The following MRAP variants were observed in gnomAD, a reference collection of about 807,000 sequenced individuals.
MRAP encodes the protein melanocortin 2 receptor accessory protein, also known as melanocortin-2 receptor accessory protein.
Under a neutral mutation model 8.7 loss-of-function variants are expected in MRAP, and 8 were observed. The ratio of observed to expected loss-of-function variants is 0.92; its 90% CI spans 0.54 to 1.66. The LOEUF (loss-of-function observed/expected upper bound fraction) is 1.66. MRAP is among the 40% of genes most tolerant of loss of function. The pLI is 0.00. For missense variants in MRAP, 237 were observed against 217.1 expected, an observed-to-expected ratio of 1.09 and a Z score of -0.58; for synonymous variants, 95 against 95.5, an observed-to-expected ratio of 1.00 and a Z score of 0.03.
intron 1 of MRAP, among the ~76,000 whole-genome samples, chr21:32,305,343 T>G (rs2032389030): frequency 6.6e-6 from 1 of 152,048 alleles, no homozygotes; most frequent in African/African-American, 2.4e-5. Context: ...CAGTTTTTCC[T>G]GCTATCTCTC....
rs762353574 is a variant in MRAP at position 32,311,828 on chromosome 21, T to G, written c.351T>G (p.Thr117=). The change falls in exon 3 of 3, where the codon ACT becomes ACG. Residue 117 remains threonine, a synonymous_variant. Coordinates refer to ENST00000303645, the MANE Select transcript of MRAP (RefSeq NM_001379228.1). ...GCTCAGTGGAGCCAGGGAGCAGAACTGGCCCTGACCAGCCGCTACGACAGG... is the reference window on the plus strand; with the variant it reads ...GCTCAGTGGAGCCAGGGAGCAGAACGGGCCCTGACCAGCCGCTACGACAGG... ...QASSVEPGSR[T]GPDQPLRQES... The G allele has an allele frequency of 6.2e-7, 1 of 1,613,860 alleles. No homozygotes were observed. Among genetic ancestry groups the G allele is most frequent in the Non-Finnish European group, 8.5e-7 (1 of 1,180,028 alleles).
chr21:32,312,453 T>TGGG, downstream of MRAP: 5 of 489,004 alleles, frequency 1.0e-5, no homozygotes, highest in Non-Finnish European at 1.5e-5. Context: ...TGATGGCATC[T>TGGG]GCCCTGCCAG....
chr21:32,301,048 GATAT>G (rs1225602522), intron 1 of MRAP, among the ~76,000 whole-genome samples: 1 of 150,960 alleles, frequency 6.6e-6, no homozygotes, highest in African/African-American at 2.4e-5. Flanking sequence ...TATATCATAT[GATAT>G]ATATCATATC....
At position 32,303,187 on chromosome 21, in the gene MRAP, T is replaced by A. The variant is rs576307655; in HGVS notation, c.107-3453T>A. ...TTAGTAGAGACGGGGTTTCACCATG[T>A]TGGCCAGGCTGGTCTCGAACTCCTG... On this transcript the variant is annotated intron_variant, in intron 1 of 2. Transcript: ENST00000303645. Among the ~76,000 whole-genome samples the A allele has an allele frequency of 4.3e-4, 65 of 152,118 alleles. 1 individual carries two copies. The highest frequency in any genetic ancestry group is 7.6e-4 in the Non-Finnish European group (52 of 68,028).
chr21:32,306,740 G>A lies in MRAP; in HGVS notation c.206+1G>A. The A allele has an allele frequency of 1.2e-6, 2 of 1,613,884 alleles. No individual in the cohort carries two copies. The highest frequency in any genetic ancestry group is 8.5e-7 in the Non-Finnish European group (1 of 1,179,770). On this transcript the variant is annotated splice_donor_variant, in intron 2 of 2. Transcript: ENST00000303645. LOFTEE classifies it high-confidence loss of function. ...CCTGGTCCGCCTCCCCGCAGATGAGGTGGGTAAGAAGGGGTGTGAGTCTGT... is the reference window on the plus strand; with the variant it reads ...CCTGGTCCGCCTCCCCGCAGATGAGATGGGTAAGAAGGGGTGTGAGTCTGT...
intron 2 of MRAP, among the ~76,000 whole-genome samples, chr21:32,309,708 C>T (rs140795037): frequency 5.3e-5 from 8 of 149,674 alleles, no homozygotes; most frequent in Non-Finnish European, 8.9e-5. Flanking sequence ...TTTGAGAGGC[C>T]GAGGTGGGTG....
At chr21:32,314,738 C>A (rs1343210735), downstream of MRAP, 3 of 1,476,688 alleles carry the variant, frequency 2.0e-6, no homozygotes, top group African/African-American at 1.4e-5. Flanking sequence ...CCGAGTTTAT[C>A]ATTTACTGGG....
chr21:32,314,777 T>C (rs1013154452), downstream of MRAP: 3 of 1,448,292 alleles, frequency 2.1e-6, no homozygotes, highest in South Asian at 2.5e-5. Flanking sequence ...TCAACTTTTC[T>C]TGTCAAAGAA....
In MRAP at chr21:32,311,378, G is replaced by A. The variant is rs574900666; in HGVS notation, c.207-306G>A. 28 of 450,038 alleles carry A rather than the reference G, an allele frequency of 6.2e-5. No homozygotes were observed. In the East Asian group the frequency reaches 9.8e-4, roughly 16 times the overall value. The allele number at this position is 450,038 out of a possible 1,614,324, so 27.9% of individuals were successfully genotyped here. A position where few individuals can be genotyped will look rare whatever the true frequency, so the allele number is the denominator to read the frequency against. On this transcript the variant is annotated intron_variant, in intron 2 of 2. Transcript: ENST00000303645. ...AAAATGAACTACACTCAGATACAGC[G>A]CTGGATGGGAGGTCAACCTGCTCCC...
chr21:32,300,661 A>G (rs7279556), intron 1 of MRAP, among the ~76,000 whole-genome samples: 50 of 12,638 alleles, frequency 4.0e-3, no homozygotes, highest in African/African-American at 9.3e-3. Context: ...GGGGCGTCAC[A>G]CGTCCTATGT....
At chr21:32,308,129 T>C (rs544652389) in intron 2 of MRAP, among the ~76,000 whole-genome samples, 1 of 152,260 alleles carries the variant, frequency 6.6e-6, no homozygotes, top group African/African-American at 2.4e-5. Flanking sequence ...TCCCCGCACT[T>C]TGGGAGGCCA....
At chr21:32,301,204 C>T (rs1601099747) in intron 1 of MRAP, among the ~76,000 whole-genome samples, 1 of 152,070 alleles carries the variant, frequency 6.6e-6, no homozygotes, top group African/African-American at 2.4e-5. Flanking sequence ...CCTTGTGATC[C>T]ACCTGCCTCA....
chr21:32,305,539 G>T (rs1267016658), intron 1 of MRAP, among the ~76,000 whole-genome samples: 1 of 152,184 alleles, frequency 6.6e-6, no homozygotes, highest in Non-Finnish European at 1.5e-5. Flanking sequence ...AGGAGGAGGA[G>T]GTTGGGGGTG....
In MRAP at chr21:32,312,248, G is replaced by A; in HGVS notation, c.*252G>A. 2 of 1,417,894 alleles carry A rather than the reference G, an allele frequency of 1.4e-6. No individual in the cohort carries two copies. Among genetic ancestry groups the A allele is most frequent in the Non-Finnish European group, 1.8e-6 (2 of 1,088,866 alleles). The allele number at this position is 1,417,894 out of a possible 1,614,324, so 87.8% of individuals were successfully genotyped here. ...CTTGCTTACTGCTTATATTTGCTCAGGGAAGAGTAGGAAAATAAAATATAT... is the reference window on the plus strand; with the variant it reads ...CTTGCTTACTGCTTATATTTGCTCAAGGAAGAGTAGGAAAATAAAATATAT... On this transcript the variant is annotated 3_prime_UTR_variant, in exon 3 of 3. Transcript: ENST00000303645.
chr21:32,299,789 T>C (rs1445735338), intron 1 of MRAP, among the ~76,000 whole-genome samples: 1 of 152,220 alleles, frequency 6.6e-6, no homozygotes, highest in Non-Finnish European at 1.5e-5. Flanking sequence ...TAATGATTTT[T>C]ACTAAAATGC....
At chr21:32,305,324 A>G (rs2032388572) in intron 1 of MRAP, among the ~76,000 whole-genome samples, 1 of 152,010 alleles carries the variant, frequency 6.6e-6, no homozygotes. Flanking sequence ...ATCAACTCTT[A>G]TGAGTCCTCA....
intron 2 of MRAP, among the ~76,000 whole-genome samples, chr21:32,308,958 CCT>C (rs2032484156): frequency 1.3e-5 from 2 of 152,026 alleles, no homozygotes; most frequent in South Asian, 4.1e-4. Context: ...CCTTGGAGCC[CCT>C]GAGCCAGTGC....
chr21:32,311,550 C>T (rs1346023889), intron 2 of MRAP, 134 bp from the exon 3 acceptor site: 1 of 1,324,678 alleles, frequency 7.5e-7, no homozygotes, highest in Non-Finnish European at 1.0e-6. Flanking sequence ...TGACCCTTCT[C>T]AGGAATTTGC....
Position 32,298,903 on chromosome 21 carries a change from C to T in MRAP, c.-69C>T. On this transcript the variant is annotated 5_prime_UTR_variant, in exon 1 of 3. Coordinates refer to ENST00000303645, the MANE Select transcript of MRAP (RefSeq NM_001379228.1). ...GCAGAAATCAGTGAGGCAGTCTCCT[C>T]CCAGGGGCTTGGCGCCTGGCTCGAG... 8.9e-7 allele frequency: 1 copy of T among 1,125,194 alleles called. No individual in the cohort carries two copies. The highest frequency in any genetic ancestry group is 2.4e-5 in the East Asian group (1 of 42,310). The allele number at this position is 1,125,194 out of a possible 1,614,324, so 69.7% of individuals were successfully genotyped here.
Sources: allele counts gnomAD v4.1 joint callset (sites outside exome capture counted in the v4.1 genomes callset), GRCh38; gene constraint gnomAD v4.1.1; transcripts MANE v1.5; gene names NCBI Gene and HGNC (gene_info 2026-07-23, HGNC 2026-07-21).